Variants in SUMF1 observed in about 807,000 individuals in gnomAD.
The protein encoded by SUMF1 is sulfatase modifying factor 1, also known as formylglycine-generating enzyme.
Under a neutral mutation model 47.6 loss-of-function variants are expected in SUMF1, and 48 were observed. The ratio of observed to expected loss-of-function variants is 1.01; its 90% CI spans 0.80 to 1.28. SUMF1 has a LOEUF of 1.28. SUMF1 is among the 50% of genes most tolerant of loss of function. The pLI, the probability that SUMF1 is intolerant of heterozygous loss-of-function variation, is 0.00. For synonymous variants in SUMF1, 230 were observed against 192.1 expected, an observed-to-expected ratio of 1.20 and a Z score of -1.63; for missense variants, 571 against 485.4, an observed-to-expected ratio of 1.18 and a Z score of -1.66.
At position 4,467,168 on chromosome 3, in the gene SUMF1, C is replaced by T. The variant is rs534380202; in HGVS notation, c.78G>A (p.Ser26=). 8.7e-6 allele frequency: 14 copies of T among 1,605,988 alleles called. No individual in the cohort carries two copies. In the Admixed American group the frequency reaches 1.4e-4, roughly 15 times the overall value. Residue 26 remains serine (S), a synonymous_variant, in exon 1 of 9, where the codon TCG becomes TCA. Transcript: ENST00000272902. ...GGCTCCCTGCCGCTCCACACAGCAG[C>T]GAGAGCAGCAGCAGCAAGAGGACGA... ...LGLVLLLLLL[S]LLCGAAGSQE...
At chr3:4,176,796 C>T (rs1376516408) in intron 8 of SUMF1, among the ~76,000 whole-genome samples, 1 of 152,060 alleles carries the variant, frequency 6.6e-6, no homozygotes, top group Non-Finnish European at 1.5e-5. Context: ...GGAGACCCAT[C>T]TCATATGCAA....
intron 6 of SUMF1, among the ~76,000 whole-genome samples, chr3:4,412,389 G>C (rs1701572322): frequency 6.6e-6 from 1 of 152,212 alleles, no homozygotes; most frequent in Admixed American, 6.5e-5. Flanking sequence ...TACAAAAGTA[G>C]AGTTGTCTGG....
chr3:4,323,607 G>C (rs773473645), intron 8 of SUMF1, among the ~76,000 whole-genome samples: 3 of 152,172 alleles, frequency 2.0e-5, no homozygotes, highest in African/African-American at 7.2e-5. Flanking sequence ...AGGAGCAGCA[G>C]AAGAATGAGG....
At chr3:4,427,942 T>C (rs1030757183) in intron 3 of SUMF1, among the ~76,000 whole-genome samples, 1 of 152,096 alleles carries the variant, frequency 6.6e-6, no homozygotes, top group Admixed American at 6.5e-5. Flanking sequence ...GGGAACTGAT[T>C]TGGGGCTTGT....
At chr3:4,240,984 T>A (rs1196940608) in intron 8 of SUMF1, among the ~76,000 whole-genome samples, 1 of 152,068 alleles carries the variant, frequency 6.6e-6, no homozygotes, top group Non-Finnish European at 1.5e-5. Context: ...TATCCTTTCC[T>A]AATATTATGA....
intron 8 of SUMF1, among the ~76,000 whole-genome samples, chr3:4,338,732 C>T (rs308726): frequency 0.072 from 10,929 of 151,442 alleles, 573 homozygotes; most frequent in South Asian, 0.27. Flanking sequence ...ATATCTAGTA[C>T]GTAGAGTCTC....
chr3:4,272,823 CAG>C (rs1371123461), intron 8 of SUMF1, among the ~76,000 whole-genome samples: 9 of 151,976 alleles, frequency 5.9e-5, no homozygotes, highest in Admixed American at 1.3e-4. Context: ...CTTGTAATCC[CAG>C]CACTGTGGGA....
chr3:4,229,280 T>C (rs73806953), intron 8 of SUMF1: 4,674 of 354,804 alleles, frequency 0.013, 198 homozygotes, highest in African/African-American at 0.091. Context: ...CTCCTTCATA[T>C]GCTAGCAACT....
intron 9 of SUMF1, among the ~76,000 whole-genome samples, chr3:4,047,112 G>C (rs1276470759): frequency 6.6e-6 from 1 of 152,036 alleles, no homozygotes; most frequent in Non-Finnish European, 1.5e-5. Flanking sequence ...CCAGATCTTT[G>C]CTGGTGCCTT....
intron 3 of SUMF1, among the ~76,000 whole-genome samples, chr3:4,422,705 T>C (rs573162569): frequency 9.9e-5 from 15 of 152,072 alleles, no homozygotes; most frequent in South Asian, 2.1e-4. Context: ...ACAGCTTTAG[T>C]AGAGGCAAAC....
At position 4,362,076 on chromosome 3, in the gene SUMF1, TTC is replaced by T; in HGVS notation, c.*66_*67del. On this transcript the variant is annotated 3_prime_UTR_variant, in exon 9 of 9. Transcript: ENST00000272902. The stretch of plus-strand genomic sequence containing the variant: ...ATTCTTTGCATGGGATCGTTCAAAG[TTC>T]TGAGAAAAGCCCAATGTAGGTCAGA... 2 of 1,470,370 alleles carry T rather than the reference TTC, an allele frequency of 1.4e-6. No individual in the cohort carries two copies. The highest frequency in any genetic ancestry group is 1.9e-6 in the Non-Finnish European group (2 of 1,052,592). 91.1% of individuals were successfully genotyped at this position (1,470,370 alleles called of 1,614,324 possible).
At chr3:4,164,473 G>A (rs949386102) in intron 8 of SUMF1, among the ~76,000 whole-genome samples, 1 of 152,330 alleles carries the variant, frequency 6.6e-6, no homozygotes, top group African/African-American at 2.4e-5. Context: ...GCGCCTTCCA[G>A]TGATTGCCTT....
chr3:4,149,931 A>C (rs1229175166), intron 8 of SUMF1, among the ~76,000 whole-genome samples: 1 of 152,106 alleles, frequency 6.6e-6, no homozygotes, highest in Non-Finnish European at 1.5e-5. Flanking sequence ...TATTTATAAC[A>C]GTTGATTTCA....
intron 8 of SUMF1, among the ~76,000 whole-genome samples, chr3:4,247,050 G>T (rs1696687244): frequency 6.6e-6 from 1 of 152,036 alleles, no homozygotes; most frequent in Non-Finnish European, 1.5e-5. Flanking sequence ...CATGTTTTCA[G>T]TATTAATTTC....
At chr3:4,239,974 T>A (rs960390360) in intron 8 of SUMF1, among the ~76,000 whole-genome samples, 3 of 152,302 alleles carry the variant, frequency 2.0e-5, no homozygotes, top group African/African-American at 7.2e-5. Context: ...GTTTTTAGCA[T>A]GAAGAGGTGT....
chr3:4,062,509 T>C (rs947228166), intron 9 of SUMF1, among the ~76,000 whole-genome samples: 3 of 152,114 alleles, frequency 2.0e-5, no homozygotes, highest in Admixed American at 2.0e-4. Flanking sequence ...ATGGACAGGA[T>C]AGTAAGAAGA....
chr3:4,085,972 A>G (rs1692663263), intron 8 of SUMF1, among the ~76,000 whole-genome samples: 2 of 152,096 alleles, frequency 1.3e-5, no homozygotes, highest in East Asian at 3.9e-4. Flanking sequence ...ATAAAACTGA[A>G]ATTTGCAAAT....
chr3:4,363,585 C>T (rs909972818), intron 8 of SUMF1, among the ~76,000 whole-genome samples: 1 of 151,768 alleles, frequency 6.6e-6, no homozygotes, highest in Non-Finnish European at 1.5e-5. Flanking sequence ...TATCCTGAGA[C>T]GTTGCTGAAG....
At chr3:4,085,105 G>T (rs1692643964) in intron 8 of SUMF1, among the ~76,000 whole-genome samples, 1 of 152,104 alleles carries the variant, frequency 6.6e-6, no homozygotes. Context: ...AACCATTCAG[G>T]TAATCAGGGC....
Sources: allele counts gnomAD v4.1 joint callset (sites outside exome capture counted in the v4.1 genomes callset), GRCh38; gene constraint gnomAD v4.1.1; transcripts MANE v1.5; gene names NCBI Gene and HGNC (gene_info 2026-07-23, HGNC 2026-07-21).